The following RASAL2 variants were observed in gnomAD, a reference collection of about 807,000 sequenced individuals.
RASAL2 encodes the protein ras GTPase-activating protein nGAP.
In RASAL2, 58 loss-of-function variants were observed where a neutral mutation model predicts 128.9. That is an observed-to-expected ratio of 0.45 (90% CI 0.36 to 0.56). The LOEUF (loss-of-function observed/expected upper bound fraction) is 0.56. RASAL2 is among the 20% of genes least tolerant of loss of function. The probability of loss-of-function intolerance (pLI) is 0.00; values close to 1 mark genes in which losing one functional copy is unlikely to be tolerated. For synonymous variants in RASAL2, 561 were observed against 580.8 expected (o/e 0.97, Z 0.49); for missense variants, 1,360 against 1,601.6 (o/e 0.85, Z 2.57).
intron 4 of RASAL2, among the ~76,000 whole-genome samples, chr1:178,401,171 T>C (rs1027259542): frequency 6.6e-6 from 1 of 152,252 alleles, no homozygotes; most frequent in African/African-American, 2.4e-5. Flanking sequence ...TGATTTAATA[T>C]ATGGGTGATA....
intron 3 of RASAL2, among the ~76,000 whole-genome samples, chr1:178,340,112 T>G (rs1272762034): frequency 6.6e-6 from 1 of 152,176 alleles, no homozygotes; most frequent in East Asian, 1.9e-4. Context: ...TAGATGACTA[T>G]GTGCTCCTCA....
intron 1 of RASAL2, among the ~76,000 whole-genome samples, chr1:178,151,036 A>G (rs1266853564): frequency 2.6e-5 from 4 of 152,114 alleles, no homozygotes; most frequent in African/African-American, 9.7e-5. Flanking sequence ...TGGAGAAAAT[A>G]TGAGTGTTGA....
At chr1:178,145,570 A>AATG (rs10690864) in intron 1 of RASAL2, among the ~76,000 whole-genome samples, 7 of 149,772 alleles carry the variant, frequency 4.7e-5, no homozygotes, top group African/African-American at 1.7e-4. Flanking sequence ...AAAAAAAAAA[A>AATG]GGGGGAGTAT....
At position 178,260,810 on chromosome 1, in the gene RASAL2, CTCT is replaced by C. The variant is rs1328885776; in HGVS notation, c.203-22751_203-22749del. Among the ~76,000 whole-genome samples, 6 of 152,230 alleles carry C rather than the reference CTCT, an allele frequency of 3.9e-5. No homozygotes were observed. In the East Asian group the frequency reaches 1.2e-3, roughly 29 times the overall value. ...GCATTGAACATGTTGGAGAGGACTG[CTCT>C]TCAACATGCCCACTTACTTCTGCAC... On this transcript the variant is annotated intron_variant, in intron 1 of 17. Transcript: ENST00000367649.
chr1:178,473,771 T>A lies in RASAL2; in HGVS notation c.*532T>A, dbSNP rs2862379. The stretch of plus-strand genomic sequence containing the variant: ...GGCCCTCTTGTCCTTTCAGAAAACA[T>A]GCAAATACCAAGATCCATACAAAAC... On this transcript the variant is annotated 3_prime_UTR_variant, in exon 18 of 18. Transcript: ENST00000367649. 15,587 of 154,938 alleles carry A rather than the reference T, an allele frequency of 0.1. 820 individuals carry two copies. The highest frequency in any genetic ancestry group is 0.15 in the Middle Eastern group (44 of 300). 9.6% of individuals were successfully genotyped at this position (154,938 alleles called of 1,614,324 possible).
At chr1:178,285,356 A>G (rs1461767930) in intron 2 of RASAL2, among the ~76,000 whole-genome samples, 1 of 151,244 alleles carries the variant, frequency 6.6e-6, no homozygotes, top group Non-Finnish European at 1.5e-5. Context: ...TCCTGACCTC[A>G]TGATCCACCC....
Position 178,457,937 on chromosome 1 carries a change from C to T in RASAL2, c.2645C>T (p.Thr882Ile). The T allele has an allele frequency of 6.2e-7, 1 of 1,614,162 alleles. No individual in the cohort carries two copies. The highest frequency in any genetic ancestry group is 8.5e-7 in the Non-Finnish European group (1 of 1,180,036). ...IRLTGSQLSI[T>I]QVASIKQLRE... ...TTGACCGGAAGCCAGCTTTCCATAA[C>T]CCAGGTGGCCAGCATCAAACAGCTG... The change falls in exon 14 of 18, where the codon ACC becomes ATC. Residue 882 changes from threonine to isoleucine, a missense_variant. By Grantham distance (89) the Thr-to-Ile change is moderately conservative (BLOSUM62 -1). Around this residue, in one of 3 missense-constraint regions of RASAL2, gnomAD observed 741 missense variants for 868.6 expected, o/e 0.85. Coordinates refer to ENST00000367649, the MANE Select transcript of RASAL2 (RefSeq NM_170692.4).
intron 1 of RASAL2, among the ~76,000 whole-genome samples, chr1:178,253,667 T>C (rs576534817): frequency 1.6e-3 from 243 of 151,930 alleles, no homozygotes; most frequent in Non-Finnish European, 2.4e-3. Flanking sequence ...GGTTGTTCTC[T>C]GGCGGGCATG....
intron 1 of RASAL2, among the ~76,000 whole-genome samples, chr1:178,111,126 T>C (rs1010354234): frequency 6.6e-6 from 1 of 152,210 alleles, no homozygotes; most frequent in Admixed American, 6.5e-5. Flanking sequence ...TTCCTTTGTA[T>C]TGCTGATAGT....
Position 178,476,563 on chromosome 1 carries a change from T to C in RASAL2, c.*3324T>C, listed in dbSNP as rs954879686. 8 of 152,352 alleles carry C rather than the reference T, an allele frequency of 5.3e-5. No homozygotes were observed. The highest frequency in any genetic ancestry group is 1.9e-4 in the African/African-American group (8 of 41,582). 9.4% of individuals were successfully genotyped at this position (152,352 alleles called of 1,614,324 possible). On this transcript the variant is annotated 3_prime_UTR_variant, in exon 18 of 18. Transcript: ENST00000367649. ...ATGCTGCTATAGCTTTTTGCTTTTTTTCATATAGTATCAAGTTGGTCAGAA... is the reference window on the plus strand; with the variant it reads ...ATGCTGCTATAGCTTTTTGCTTTTTCTCATATAGTATCAAGTTGGTCAGAA...
At chr1:178,456,498 C>T in intron 12 of RASAL2, 1 of 625,104 alleles carries the variant, frequency 1.6e-6, no homozygotes. Context: ...CCTTTCTTTC[C>T]TCGATGTCTG....
chr1:178,167,994 G>A (rs1029900486), intron 1 of RASAL2, among the ~76,000 whole-genome samples: 8 of 151,938 alleles, frequency 5.3e-5, no homozygotes, highest in South Asian at 2.1e-4. Context: ...GGATTAGAGC[G>A]TGTTTTCAAT....
chr1:178,188,338 G>A (rs543876673), intron 1 of RASAL2, among the ~76,000 whole-genome samples: 3 of 152,116 alleles, frequency 2.0e-5, no homozygotes, highest in Admixed American at 6.6e-5. Context: ...CCTTGTACCA[G>A]TTTTCAAAAC....
intron 1 of RASAL2, among the ~76,000 whole-genome samples, chr1:178,209,295 A>G (rs1028852366): frequency 1.3e-5 from 2 of 152,000 alleles, no homozygotes; most frequent in Non-Finnish European, 2.9e-5. Context: ...ATTGGATACT[A>G]TTGTCCTGGA....
At chr1:178,095,619 C>T (rs114463342) in intron 1 of RASAL2, among the ~76,000 whole-genome samples, 34 of 152,338 alleles carry the variant, frequency 2.2e-4, no homozygotes, top group African/African-American at 7.2e-4. Flanking sequence ...TCTTGTGCAT[C>T]TAAGCCTGTA....
At chr1:178,400,766 T>C (rs1457400003) in intron 4 of RASAL2, among the ~76,000 whole-genome samples, 1 of 152,166 alleles carries the variant, frequency 6.6e-6, no homozygotes, top group African/African-American at 2.4e-5. Context: ...AATTAATTAA[T>C]TATTTTGAGA....
chr1:178,412,968 TTC>T (rs1674500384), intron 4 of RASAL2, among the ~76,000 whole-genome samples: 1 of 151,782 alleles, frequency 6.6e-6, no homozygotes, highest in Admixed American at 6.6e-5. Context: ...TTCTTTTTCT[TTC>T]TTTCTTTCTT....
intron 1 of RASAL2, among the ~76,000 whole-genome samples, chr1:178,207,249 A>G (rs1298482675): frequency 6.6e-6 from 1 of 152,192 alleles, no homozygotes; most frequent in Non-Finnish European, 1.5e-5. Context: ...CTTATATCCA[A>G]AGAAATATGC....
At chr1:178,394,737 A>G (rs1396343151) in intron 4 of RASAL2, among the ~76,000 whole-genome samples, 1 of 152,228 alleles carries the variant, frequency 6.6e-6, no homozygotes, top group Non-Finnish European at 1.5e-5. Flanking sequence ...ATGCCAAGAC[A>G]TCCAGAAAGC....
Sources: allele counts gnomAD v4.1 joint callset (sites outside exome capture counted in the v4.1 genomes callset), GRCh38; gene constraint gnomAD v4.1.1; regional missense constraint gnomAD v4.1.1; transcripts MANE v1.5; gene names NCBI Gene and HGNC (gene_info 2026-07-23, HGNC 2026-07-21).